Variants in PLEKHH1 observed in about 807,000 individuals in gnomAD.
PLEKHH1 encodes the protein pleckstrin homology domain-containing family H member 1.
In PLEKHH1, 104 loss-of-function variants were observed where a neutral mutation model predicts 160.0. The observed-to-expected ratio is 0.65, with a 90% CI of 0.55 to 0.76. PLEKHH1 has a LOEUF of 0.76. Among genes scored for constraint, PLEKHH1 ranks in the 30% least tolerant of loss-of-function variants. The probability of loss-of-function intolerance (pLI) is 0.00; values close to 1 mark genes in which losing one functional copy is unlikely to be tolerated. For missense variants in PLEKHH1, 1,427 were observed against 1,724.1 expected (o/e 0.83, Z 3.05); for synonymous variants, 619 against 678.4 (o/e 0.91, Z 1.36).
chr14:67,583,914 C>G (rs373979866), intron 25 of PLEKHH1, 31 bp downstream of exon 25: 5 of 1,611,812 alleles, frequency 3.1e-6, no homozygotes, highest in African/African-American at 1.3e-5. Flanking sequence ...TGCAGCAAGT[C>G]ACTGTGGGGA....
chr14:67,561,869 C>CAAAA (rs373609799), intron 5 of PLEKHH1, 85 bp from the exon 6 acceptor site: 10 of 756,898 alleles, frequency 1.3e-5, no homozygotes, highest in Admixed American at 9.6e-5. Context: ...GACCCTGTCT[C>CAAAA]AAAAAAAAAA....
Position 67,542,040 on chromosome 14 carries a change from A to T in PLEKHH1, c.126+47A>T, listed in dbSNP as rs775524661. On this transcript the variant is annotated intron_variant, in intron 2 of 28. Transcript: ENST00000329153. Reference sequence around the variant, plus strand: ...GCTGCCTCTCCACACGCAGAGGTTTATGGCAGGGAGGGCCGTGTGAGAGAG... The same window carrying T: ...GCTGCCTCTCCACACGCAGAGGTTTTTGGCAGGGAGGGCCGTGTGAGAGAG... 6 of 1,527,488 alleles carry T rather than the reference A, an allele frequency of 3.9e-6. 1 individual carries two copies. The South Asian group carries it at 7.4e-5, about 19-fold the overall frequency. 94.6% of individuals were successfully genotyped at this position (1,527,488 alleles called of 1,614,324 possible). A position where few individuals can be genotyped will look rare whatever the true frequency, so the allele number is the denominator to read the frequency against.
In PLEKHH1 at chr14:67,585,615, G is replaced by A. The variant is rs2036116302; in HGVS notation, c.3747G>A (p.Val1249=). 1.3e-6 allele frequency: 2 copies of A among 1,583,652 alleles called. No homozygotes were observed. The highest frequency in any genetic ancestry group is 1.7e-6 in the Non-Finnish European group (2 of 1,163,822). The change falls in exon 27 of 29, where the codon GTG becomes GTA. Residue 1249 remains valine (V), a synonymous_variant. Coordinates refer to ENST00000329153, the MANE Select transcript of PLEKHH1 (RefSeq NM_020715.3). ...SKENALVWIA[V]NEDGVSILDH... is the part of the protein sequence containing the mutation. Reference sequence around the variant, plus strand: ...AGAACGCTCTGGTGTGGATTGCTGTGAATGAGGATGGCGTCAGCATCCTGG... The same window carrying A: ...AGAACGCTCTGGTGTGGATTGCTGTAAATGAGGATGGCGTCAGCATCCTGG...
Position 67,555,835 on chromosome 14 carries a change from T to TGGAGCAGAGGCTGCTGGAGGC in PLEKHH1, c.138_158dup (p.Leu50_Arg56dup). The stretch of plus-strand genomic sequence containing the variant: ...TCTCTGGCCAAGCAGATGCAGGAGC[T>TGGAGCAGAGGCTGCTGGAGGC]GGAGCAGAGGCTGCTGGAGGCAGAG... On this transcript the variant is annotated inframe_insertion, in exon 3 of 29. Coordinates refer to ENST00000329153, the MANE Select transcript of PLEKHH1 (RefSeq NM_020715.3). 1 of 1,613,428 alleles carries TGGAGCAGAGGCTGCTGGAGGC rather than the reference T, an allele frequency of 6.2e-7. No individual in the cohort carries two copies. Among genetic ancestry groups the TGGAGCAGAGGCTGCTGGAGGC allele is most frequent in the Non-Finnish European group, 8.5e-7 (1 of 1,179,624 alleles).
chr14:67,549,139 A>C (rs1207805531), intron 2 of PLEKHH1, among the ~76,000 whole-genome samples: 1 of 152,228 alleles, frequency 6.6e-6, no homozygotes, highest in Non-Finnish European at 1.5e-5. Context: ...TGAAGTTTGC[A>C]TAAAATCATC....
intron 2 of PLEKHH1, among the ~76,000 whole-genome samples, 168 bp from the exon 3 acceptor site, chr14:67,555,657 T>A (rs754859995): frequency 6.6e-6 from 1 of 152,180 alleles, no homozygotes; most frequent in African/African-American, 2.4e-5. Flanking sequence ...ATTAGGGAGC[T>A]GAGAGTTGCC....
intron 28 of PLEKHH1, chr14:67,586,600 G>C: frequency 2.2e-6 from 1 of 449,858 alleles, no homozygotes; most frequent in Non-Finnish European, 4.0e-6. Flanking sequence ...ACTCAATACA[G>C]GAAGTGTTGA....
At chr14:67,575,734 C>G in intron 15 of PLEKHH1, 89 bp from the exon 16 acceptor site, 1 of 987,472 alleles carries the variant, frequency 1.0e-6, no homozygotes, top group Non-Finnish European at 1.5e-6. Flanking sequence ...ATCCACGATT[C>G]CCAGCTTCAC....
chr14:67,573,381 T>C lies in PLEKHH1; in HGVS notation c.1834T>C (p.Ser612Pro), dbSNP rs200621278. Reference protein sequence around the residue: ...LRQGQIMYYKSPSDVIRKPQG... With the variant: ...LRQGQIMYYKPPSDVIRKPQG... Reference sequence around the variant, plus strand: ...ACAGGGACAGATTATGTACTACAAGTCCCCGGTGAGAGTCTCCCCGCCCAG... The same window carrying C: ...ACAGGGACAGATTATGTACTACAAGCCCCCGGTGAGAGTCTCCCCGCCCAG... The change falls in exon 12 of 29, where the codon TCC (serine) becomes CCC (proline). Residue 612 changes from serine to proline, a missense_variant. Transcript: ENST00000329153. This position sits in a 1 kb window ranked among gnomAD's most constrained non-coding sequence, Gnocchi z 4.8. 2 of 1,592,226 alleles carry C rather than the reference T, an allele frequency of 1.3e-6. No individual in the cohort carries two copies. Among genetic ancestry groups the C allele is most frequent in the Non-Finnish European group, 1.7e-6 (2 of 1,160,158 alleles).
chr14:67,577,974 G>C, intron 18 of PLEKHH1, 49 bp from the exon 19 acceptor site: 7 of 1,567,250 alleles, frequency 4.5e-6, no homozygotes, highest in Non-Finnish European at 6.1e-6. Context: ...TGAGTTCTCT[G>C]AACCCAGGGG....
rs75805791 is a variant in PLEKHH1, at chr14:67,579,124, G to A, written c.2850-10G>A. The A allele has an allele frequency of 4.0e-5, 44 of 1,112,050 alleles. 3 individuals are homozygous for A. The South Asian group carries it at 5.7e-4, about 14-fold the overall frequency. 68.9% of individuals were successfully genotyped at this position (1,112,050 alleles called of 1,614,324 possible). ...AGAGCCCATAATACTCCCCTCTTCC[G>A]TCTTTTTAGAAGTGAAACTGGCCAG... On this transcript the variant is annotated splice_polypyrimidine_tract_variant and intron_variant, in intron 20 of 28. Transcript: ENST00000329153.
chr14:67,569,021 T>G, intron 7 of PLEKHH1, 117 bp from the exon 8 acceptor site: 1 of 632,930 alleles, frequency 1.6e-6, no homozygotes, highest in Non-Finnish European at 2.8e-6. Flanking sequence ...TGTTAGCCAG[T>G]CACTGCCCCC....
intron 22 of PLEKHH1, 98 bp downstream of exon 22, chr14:67,579,974 C>G: frequency 8.4e-7 from 1 of 1,188,134 alleles, no homozygotes. Flanking sequence ...TGTTTGGTAG[C>G]TCATTTGGTG....
At chr14:67,533,567 T>G (rs1224958885) in intron 1 of PLEKHH1, 169 bp downstream of exon 1, 1 of 151,830 alleles carries the variant, frequency 6.6e-6, no homozygotes, top group Non-Finnish European at 1.5e-5. Context: ...AGCGCGGGTC[T>G]GGCTTGGGAA....
chr14:67,549,127 G>A (rs569652288), intron 2 of PLEKHH1, among the ~76,000 whole-genome samples: 85 of 152,312 alleles, frequency 5.6e-4, no homozygotes, highest in African/African-American at 2.0e-3. Flanking sequence ...TTGGAAGTAT[G>A]TTGAAGTTTG....
intron 5 of PLEKHH1, among the ~76,000 whole-genome samples, chr14:67,560,196 T>G (rs956686915): frequency 6.6e-6 from 1 of 151,986 alleles, no homozygotes; most frequent in African/African-American, 2.4e-5. Context: ...CCCAGCTAAT[T>G]TTTGTATTTT....
rs75122439 is a variant in PLEKHH1, at chr14:67,560,544, G to A, written c.423+853G>A. On this transcript the variant is annotated intron_variant, in intron 5 of 28. Transcript: ENST00000329153. Reference sequence around the variant, plus strand: ...ACTTCCCATTCTCTCTTCCCCCATCGCCTGGTAACCTCTATTCCACCTTCC... The same window carrying A: ...ACTTCCCATTCTCTCTTCCCCCATCACCTGGTAACCTCTATTCCACCTTCC... Among the ~76,000 whole-genome samples the A allele has an allele frequency of 4.9e-4, 74 of 152,012 alleles. 2 individuals are homozygous for A. In the East Asian group the frequency reaches 0.014, roughly 28 times the overall value.
chr14:67,577,126 C>T (rs1296909432), intron 17 of PLEKHH1, among the ~76,000 whole-genome samples, 176 bp from the exon 18 acceptor site: 1 of 152,196 alleles, frequency 6.6e-6, no homozygotes, highest in African/African-American at 2.4e-5. Flanking sequence ...TGAGGGTGCT[C>T]ATTGCAGTGC....
At chr14:67,586,917 C>A in intron 28 of PLEKHH1, 157 bp from the exon 29 acceptor site, 1 of 1,538,816 alleles carries the variant, frequency 6.5e-7, no homozygotes. Flanking sequence ...CTGAACAGCA[C>A]AGTTATGATT....
Sources: allele counts gnomAD v4.1 joint callset (sites outside exome capture counted in the v4.1 genomes callset), GRCh38; gene constraint gnomAD v4.1.1; non-coding constraint Gnocchi (gnomAD v3.1); transcripts MANE v1.5; gene names NCBI Gene and HGNC (gene_info 2026-07-23, HGNC 2026-07-21).